The following ZNF398 variants were observed in gnomAD, a reference collection of about 807,000 sequenced individuals.
The protein encoded by ZNF398 is zinc finger protein 398.
A neutral mutation model predicts 41.9 loss-of-function variants in ZNF398; 18 were observed. That is an observed-to-expected ratio of 0.43 (90% confidence interval 0.30 to 0.64). The LOEUF (loss-of-function observed/expected upper bound fraction) is 0.64, where lower values mean the gene tolerates loss of function less well. Ranked by LOEUF, ZNF398 falls within the 30% of genes least tolerant of loss-of-function variation. The probability of loss-of-function intolerance (pLI) is 0.14; values close to 1 mark genes in which losing one functional copy is unlikely to be tolerated. For missense variants in ZNF398, 669 were observed against 822.8 expected (o/e 0.81, Z 2.29); for synonymous variants, 260 against 308.8 (o/e 0.84, Z 1.66).
At chr7:149,130,877 G>C (rs938818526) in intron 2 of ZNF398, among the ~76,000 whole-genome samples, 1 of 152,200 alleles carries the variant, frequency 6.6e-6, no homozygotes, top group African/African-American at 2.4e-5. Context: ...TCTATTGCTG[G>C]GAGGAAATGT....
At chr7:149,156,870 A>G (rs1403915829) in intron 2 of ZNF398, among the ~76,000 whole-genome samples, 2 of 151,754 alleles carry the variant, frequency 1.3e-5, no homozygotes, top group Admixed American at 1.3e-4. Context: ...TCAAAAAAAA[A>G]AAAAAGAATA....
rs139590044 is a variant in ZNF398, at chr7:149,166,048, T to C, written c.421-110T>C. On this transcript the variant is annotated intron_variant, in intron 2 of 5. Coordinates refer to ENST00000475153, the MANE Select transcript of ZNF398 (RefSeq NM_170686.3). ...ATTTCAGAGATATTTAGAATATTTA[T>C]TGACCACCCTTTGAAAATGTAAAAA... The C allele has an allele frequency of 7.3e-5, 89 of 1,211,314 alleles. No homozygotes were observed. In the African/African-American group the frequency reaches 1.2e-3, roughly 16 times the overall value. The allele number at this position is 1,211,314 out of a possible 1,614,324, so 75.0% of individuals were successfully genotyped here.
At position 149,154,110 on chromosome 7, in the gene ZNF398, C is replaced by A; in HGVS notation, c.190C>A (p.Leu64Ile). 1 of 1,614,052 alleles carries A rather than the reference C, an allele frequency of 6.2e-7. No individual in the cohort carries two copies. Among genetic ancestry groups the A allele is most frequent in the Non-Finnish European group, 8.5e-7 (1 of 1,179,934 alleles). The change falls in exon 2 of 6, where the codon CTC becomes ATC. Residue 64 changes from leucine (L) to isoleucine (I), a missense_variant. Around this residue, in one of 3 missense-constraint regions of ZNF398, gnomAD observed 169 missense variants for 239.5 expected, o/e 0.71. Coordinates refer to ENST00000475153, the MANE Select transcript of ZNF398 (RefSeq NM_170686.3). ...GAAGGTGGAGATCCACAGCCGGCGA[C>A]TCCTACACCTGGAAGGTCGGACAGG... ...ERKVEIHSRRLLHLEGRTGTA... is the reference protein window; with the variant it reads ...ERKVEIHSRRILHLEGRTGTA...
At chr7:149,162,053 CAG>C (rs1456756221) in intron 2 of ZNF398, among the ~76,000 whole-genome samples, 1 of 152,142 alleles carries the variant, frequency 6.6e-6, no homozygotes, top group Non-Finnish European at 1.5e-5. Context: ...TTTTTCAAGA[CAG>C]GGTCTTGCTC....
rs1795579813 is a variant in ZNF398 at position 149,181,103 on chromosome 7, G to C, written c.*1302G>C. 6.6e-6 allele frequency: 1 copy of C among 152,564 alleles called. No individual in the cohort carries two copies. The highest frequency in any genetic ancestry group is 1.5e-5 in the Non-Finnish European group (1 of 68,020). 9.5% of individuals were successfully genotyped at this position (152,564 alleles called of 1,614,324 possible). A position where few individuals can be genotyped will look rare whatever the true frequency, so the allele number is the denominator to read the frequency against. On this transcript the variant is annotated 3_prime_UTR_variant, in exon 6 of 6. Coordinates refer to ENST00000475153, the MANE Select transcript of ZNF398 (RefSeq NM_170686.3). Reference sequence around the variant, plus strand: ...GGCTTTGCAACTGGGCCTAAGTTCTGTTTCCTTTATGGATCTCAAATTTTC... The same window carrying C: ...GGCTTTGCAACTGGGCCTAAGTTCTCTTTCCTTTATGGATCTCAAATTTTC...
chr7:149,163,492 C>T lies in ZNF398; in HGVS notation c.421-2666C>T, dbSNP rs1034923970. On this transcript the variant is annotated intron_variant, in intron 2 of 5. Transcript: ENST00000475153. ...AGTTCAAGCGATTCTCCTGCCTCAGCCTCCCAGGTAGTTGGGACTACAGGC... is the reference window on the plus strand; with the variant it reads ...AGTTCAAGCGATTCTCCTGCCTCAGTCTCCCAGGTAGTTGGGACTACAGGC... 2.0e-5 allele frequency among the ~76,000 whole-genome samples: 3 copies of T among 152,056 alleles called. No individual in the cohort carries two copies. In the East Asian group the frequency reaches 5.8e-4, roughly 29 times the overall value.
intron 2 of ZNF398, among the ~76,000 whole-genome samples, chr7:149,163,450 G>A (rs1228988091): frequency 6.7e-6 from 1 of 148,638 alleles, no homozygotes; most frequent in Non-Finnish European, 1.5e-5. Context: ...TCGGCTCACC[G>A]CAACCTCCGC....
intron 4 of ZNF398, among the ~76,000 whole-genome samples, chr7:149,171,002 C>T (rs1182343794): frequency 6.9e-6 from 1 of 145,272 alleles, no homozygotes; most frequent in African/African-American, 2.7e-5. Context: ...TGCCACCACG[C>T]CCGGCTAATT....
chr7:149,138,378 G>A (rs1336532143), intron 2 of ZNF398, among the ~76,000 whole-genome samples: 11 of 151,996 alleles, frequency 7.2e-5, no homozygotes, highest in Non-Finnish European at 1.6e-4. Flanking sequence ...TCAGGAGTTC[G>A]AGACCAGCCT....
chr7:149,137,592 G>T (rs1826740177), intron 2 of ZNF398, among the ~76,000 whole-genome samples: 1 of 151,858 alleles, frequency 6.6e-6, no homozygotes, highest in Admixed American at 6.6e-5. Context: ...ATATTGGTCA[G>T]GCTGGTCTTG....
At chr7:149,172,578 G>A (rs1303956384) in intron 4 of ZNF398, among the ~76,000 whole-genome samples, 1 of 152,190 alleles carries the variant, frequency 6.6e-6, no homozygotes, top group East Asian at 1.9e-4. Flanking sequence ...ACTTAATAAG[G>A]AAGGAAGGAA....
Position 149,180,955 on chromosome 7 carries a change from C to T in ZNF398, c.*1154C>T, listed in dbSNP as rs1039580267. 6.6e-6 allele frequency: 1 copy of T among 152,552 alleles called. No individual in the cohort carries two copies. Among genetic ancestry groups the T allele is most frequent in the African/African-American group, 2.4e-5 (1 of 41,452 alleles). 9.4% of individuals were successfully genotyped at this position (152,552 alleles called of 1,614,324 possible). ...GAGGAAATTCCTAGATCACTGAGAG[C>T]TAAGCACCATGCATAGACAACAGTT... is the stretch of plus-strand genomic sequence containing the variant. On this transcript the variant is annotated 3_prime_UTR_variant, in exon 6 of 6. Coordinates refer to ENST00000475153, the MANE Select transcript of ZNF398 (RefSeq NM_170686.3).
intron 2 of ZNF398, among the ~76,000 whole-genome samples, chr7:149,138,189 G>A (rs1228008512): frequency 3.0e-5 from 4 of 132,348 alleles, no homozygotes; most frequent in Non-Finnish European, 4.8e-5. Context: ...CAATAAGAGC[G>A]AAACTCTGTC....
chr7:149,155,707 ATT>A (rs1359986695), intron 2 of ZNF398, among the ~76,000 whole-genome samples: 19 of 73,576 alleles, frequency 2.6e-4, no homozygotes, highest in African/African-American at 3.4e-4. Flanking sequence ...ATATATATAT[ATT>A]TTTTTTTTTT....
upstream of ZNF398, chr7:149,147,391 G>C (rs2129519938): frequency 6.1e-6 from 1 of 164,002 alleles, no homozygotes; most frequent in South Asian, 2.0e-4. This position sits in a 1 kb window ranked among gnomAD's most constrained non-coding sequence, Gnocchi z 5.6. Context: ...CAGGGGGCGC[G>C]CTGGCCGCGG....
chr7:149,136,989 C>T (rs1826728190), intron 2 of ZNF398, among the ~76,000 whole-genome samples: 1 of 151,842 alleles, frequency 6.6e-6, no homozygotes, highest in Admixed American at 6.6e-5. Flanking sequence ...GCCTCAGCCT[C>T]CCAAGTAGCT....
At chr7:149,137,620 T>G (rs963647727) in intron 2 of ZNF398, among the ~76,000 whole-genome samples, 3 of 152,070 alleles carry the variant, frequency 2.0e-5, no homozygotes, top group African/African-American at 7.2e-5. Flanking sequence ...GACCTCGTGA[T>G]CCACCTGCCT....
In ZNF398 at chr7:149,156,199, CT is replaced by C. The variant is rs541151014; in HGVS notation, c.420+1860del. The stretch of plus-strand genomic sequence containing the variant: ...AGATGCAGGATGTTTGGTGGTAGAA[CT>C]GACAATAAGAGTTACTGATGGGAAG... On this transcript the variant is annotated intron_variant, in intron 2 of 5. Transcript: ENST00000475153. 4.4e-3 allele frequency among the ~76,000 whole-genome samples: 665 copies of C among 152,014 alleles called. 1 individual carries two copies. Among genetic ancestry groups the C allele is most frequent in the Middle Eastern group, 0.014 (4 of 294 alleles).
chr7:149,137,377 C>T (rs528536516), intron 2 of ZNF398, among the ~76,000 whole-genome samples: 2 of 152,174 alleles, frequency 1.3e-5, no homozygotes, highest in South Asian at 2.1e-4. Flanking sequence ...TTGAGTATGA[C>T]GTTAACTGCA....
Sources: allele counts gnomAD v4.1 joint callset (sites outside exome capture counted in the v4.1 genomes callset), GRCh38; gene constraint gnomAD v4.1.1; regional missense constraint gnomAD v4.1.1; non-coding constraint Gnocchi (gnomAD v3.1); transcripts MANE v1.5; gene names NCBI Gene and HGNC (gene_info 2026-07-23, HGNC 2026-07-21).